The following OSBPL6 variants were observed in gnomAD, a reference collection of about 807,000 sequenced individuals.
The protein encoded by OSBPL6 is oxysterol binding protein like 6.
In OSBPL6, 49 loss-of-function variants were observed where a neutral mutation model predicts 125.8. The ratio of observed to expected loss-of-function variants is 0.39; its 90% confidence interval spans 0.31 to 0.49. The LOEUF (loss-of-function observed/expected upper bound fraction) is 0.49. OSBPL6 is among the 20% of genes least tolerant of loss of function. The pLI is 0.88. For missense variants in OSBPL6, 986 were observed against 1,135.4 expected (o/e 0.87, Z 1.89); for synonymous variants, 394 against 391.8 (o/e 1.01, Z -0.07).
At chr2:178,314,505 G>C (rs1250061236) in intron 3 of OSBPL6, among the ~76,000 whole-genome samples, 1 of 152,158 alleles carries the variant, frequency 6.6e-6, no homozygotes, top group Non-Finnish European at 1.5e-5. Context: ...GCCTTTTTGG[G>C]AATCCACTCA....
chr2:178,369,582 T>C (rs1024869327), intron 13 of OSBPL6, among the ~76,000 whole-genome samples: 2 of 152,234 alleles, frequency 1.3e-5, no homozygotes, highest in African/African-American at 4.8e-5. Flanking sequence ...ACTCCCAGGC[T>C]AGAATTTTTA....
At chr2:178,256,821 T>A (rs1022335646) in intron 1 of OSBPL6, among the ~76,000 whole-genome samples, 1 of 152,190 alleles carries the variant, frequency 6.6e-6, no homozygotes. Context: ...CTTTGAAATT[T>A]GAGCCAGCTA....
chr2:178,382,952 A>T, intron 16 of OSBPL6, 72 bp from the exon 17 acceptor site: 1 of 1,553,872 alleles, frequency 6.4e-7, no homozygotes, highest in Non-Finnish European at 8.7e-7. Context: ...TTTATTTGAA[A>T]GTTATTTCCC....
At chr2:178,314,203 G>A (rs535431952) in intron 3 of OSBPL6, among the ~76,000 whole-genome samples, 7 of 152,326 alleles carry the variant, frequency 4.6e-5, no homozygotes, top group African/African-American at 1.7e-4. Context: ...GTGAAAAGTA[G>A]CATGTTATCT....
intron 1 of OSBPL6, among the ~76,000 whole-genome samples, chr2:178,269,860 C>G (rs2092333168): frequency 6.6e-6 from 1 of 152,228 alleles, no homozygotes; most frequent in Non-Finnish European, 1.5e-5. Flanking sequence ...CAGCCAGTTA[C>G]TGAATTCTGA....
intron 21 of OSBPL6, among the ~76,000 whole-genome samples, chr2:178,389,598 G>C (rs1695233104): frequency 6.6e-6 from 1 of 152,188 alleles, no homozygotes; most frequent in Admixed American, 6.5e-5. Flanking sequence ...CCACCAGTCA[G>C]TACATGCTTA....
chr2:178,390,009 C>T (rs747839666), intron 21 of OSBPL6, among the ~76,000 whole-genome samples: 4 of 151,974 alleles, frequency 2.6e-5, no homozygotes, highest in Non-Finnish European at 5.9e-5. Flanking sequence ...CGTAAGGTAC[C>T]TAGAACTGAA....
chr2:178,308,728 T>A (rs1341955361), intron 3 of OSBPL6, among the ~76,000 whole-genome samples: 1 of 152,168 alleles, frequency 6.6e-6, no homozygotes, highest in Non-Finnish European at 1.5e-5. Flanking sequence ...CCTTTGCTTC[T>A]CCCACATTCA....
At chr2:178,248,076 A>G (rs559990356) in intron 1 of OSBPL6, among the ~76,000 whole-genome samples, 2 of 152,348 alleles carry the variant, frequency 1.3e-5, no homozygotes, top group African/African-American at 2.4e-5. Context: ...TCCTACAAGG[A>G]AAGTTATATT....
intron 1 of OSBPL6, among the ~76,000 whole-genome samples, chr2:178,203,939 T>C (rs334111): frequency 0.031 from 4,685 of 152,204 alleles, 234 homozygotes; most frequent in African/African-American, 0.11. Context: ...TCATCTCTAG[T>C]GCGTTCTAGT....
rs985204747 is a variant in OSBPL6, at chr2:178,361,579, C to T, written c.1154-103C>T. 1.9e-5 allele frequency: 27 copies of T among 1,416,396 alleles called. 1 individual carries two copies. The South Asian group carries it at 2.3e-4, about 12-fold the overall frequency. The allele number at this position is 1,416,396 out of a possible 1,614,324, so 87.7% of individuals were successfully genotyped here. A position where few individuals can be genotyped will look rare whatever the true frequency, so the allele number is the denominator to read the frequency against. ...TAATTAGACTATTACATAGCCTTTC[C>T]AAAAAATGCCTATTTGTGAGTGAAA... On this transcript the variant is annotated intron_variant, in intron 12 of 24. Coordinates refer to ENST00000190611, the MANE Select transcript of OSBPL6 (RefSeq NM_032523.4).
intron 1 of OSBPL6, among the ~76,000 whole-genome samples, chr2:178,216,228 A>G (rs2090088240): frequency 6.6e-6 from 1 of 152,142 alleles, no homozygotes; most frequent in Non-Finnish European, 1.5e-5. Flanking sequence ...GGAAAGGGGG[A>G]AAAAGGATTA....
At chr2:178,237,005 T>C (rs940303181) in intron 1 of OSBPL6, among the ~76,000 whole-genome samples, 2 of 152,198 alleles carry the variant, frequency 1.3e-5, no homozygotes, top group Non-Finnish European at 2.9e-5. Flanking sequence ...TTACCTCTTA[T>C]ACTCTCTCAG....
chr2:178,349,943 C>T (rs1691093933), intron 12 of OSBPL6, among the ~76,000 whole-genome samples: 1 of 152,170 alleles, frequency 6.6e-6, no homozygotes, highest in African/African-American at 2.4e-5. Context: ...AGCTGGAAGG[C>T]TGCACACAAC....
At chr2:178,230,668 A>G (rs954642853) in intron 1 of OSBPL6, among the ~76,000 whole-genome samples, 2 of 152,226 alleles carry the variant, frequency 1.3e-5, no homozygotes, top group Admixed American at 6.5e-5. Context: ...TCAAAGGACA[A>G]GTATGAGTAT....
Position 178,226,120 on chromosome 2 carries a change from G to A in OSBPL6, c.-351+31446G>A, listed in dbSNP as rs571760094. On this transcript the variant is annotated intron_variant, in intron 1 of 24. Coordinates refer to ENST00000190611, the MANE Select transcript of OSBPL6 (RefSeq NM_032523.4). ...TTCCTAGGGCCCACTGAGAGCTCTAGTCATGGAGGAGGAAGTGTGGATGCA... is the reference window on the plus strand; with the variant it reads ...TTCCTAGGGCCCACTGAGAGCTCTAATCATGGAGGAGGAAGTGTGGATGCA... Among the ~76,000 whole-genome samples the A allele has an allele frequency of 3.3e-5, 5 of 152,296 alleles. No homozygotes were observed. In the South Asian group the frequency reaches 1.0e-3, roughly 32 times the overall value.
In OSBPL6 at chr2:178,253,413, G is replaced by A. The variant is rs1423838155; in HGVS notation, c.-350-31514G>A. On this transcript the variant is annotated intron_variant, in intron 1 of 24. Transcript: ENST00000190611. ...AAGGAGAAATAGAAATGGATAAGTT[G>A]AGTTGATCTTCTATGAGGAAACCTC... 2.6e-5 allele frequency among the ~76,000 whole-genome samples: 4 copies of A among 152,300 alleles called. No homozygotes were observed. In the East Asian group the frequency reaches 7.7e-4, roughly 29 times the overall value.
chr2:178,310,127 G>C (rs1417217178), intron 3 of OSBPL6, among the ~76,000 whole-genome samples: 1 of 152,138 alleles, frequency 6.6e-6, no homozygotes, highest in African/African-American at 2.4e-5. Flanking sequence ...AAATTGGAAG[G>C]TCTAGGGACA....
At position 178,349,343 on chromosome 2, in the gene OSBPL6, A is replaced by G. The variant is rs149277087; in HGVS notation, c.1107A>G (p.Thr369=). The stretch of plus-strand genomic sequence containing the variant: ...TCACTGACCCTCTGGAAAGTTCAAC[A>G]GATTATACAAAGCTGCAAGAAGAAT... The part of the protein sequence containing the change: ...SHLTDPLESS[T]DYTKLQEEFC... The change falls in exon 12 of 25, where the codon ACA becomes ACG. Residue 369 remains threonine (T), a synonymous_variant. Coordinates refer to ENST00000190611, the MANE Select transcript of OSBPL6 (RefSeq NM_032523.4). The G allele has an allele frequency of 1.7e-5, 27 of 1,614,228 alleles. No homozygotes were observed. In the African/African-American group the frequency reaches 2.8e-4, roughly 17 times the overall value.
Sources: gnomAD v4.1 joint callset for allele counts (sites outside exome capture counted in the v4.1 genomes callset) on GRCh38, gnomAD v4.1.1 for gene constraint, MANE v1.5 for transcripts, NCBI Gene and HGNC (gene_info 2026-07-23, HGNC 2026-07-21) for gene names.